DGKB: variants seen among roughly 807,000 people sequenced by gnomAD.
The protein encoded by DGKB is 90 kDa diacylglycerol kinase.
A neutral mutation model predicts 114.3 loss-of-function variants in DGKB; 67 were observed. The observed-to-expected ratio is 0.59, with a 90% CI of 0.48 to 0.72. DGKB has a LOEUF of 0.72. Ranked by LOEUF, DGKB falls within the 30% of genes least tolerant of loss-of-function variation. The probability of loss-of-function intolerance (pLI) is 0.00; values close to 1 mark genes in which losing one functional copy is unlikely to be tolerated. For synonymous variants in DGKB, 398 were observed against 323.1 expected, an observed-to-expected ratio of 1.23 and a Z score of -2.49; for missense variants, 907 against 975.2, an observed-to-expected ratio of 0.93 and a Z score of 0.93.
intron 21 of DGKB, among the ~76,000 whole-genome samples, chr7:14,476,151 A>C (rs951418188): frequency 2.6e-5 from 4 of 151,858 alleles, no homozygotes; most frequent in Admixed American, 2.6e-4. Context: ...AATATAACTT[A>C]AATAATATAT....
chr7:14,169,424 C>T (rs1050533373), intron 25 of DGKB, among the ~76,000 whole-genome samples: 1 of 150,752 alleles, frequency 6.6e-6, no homozygotes, highest in African/African-American at 2.4e-5. Context: ...CTGGAAGAAG[C>T]CACAGATTTG....
chr7:14,235,493 A>G (rs780168536), intron 23 of DGKB, among the ~76,000 whole-genome samples: 13 of 152,082 alleles, frequency 8.5e-5, no homozygotes, highest in Non-Finnish European at 1.6e-4. Flanking sequence ...GTGGATATCA[A>G]TTTTATCAGA....
chr7:14,280,346 A>T (rs1799749964), intron 23 of DGKB, among the ~76,000 whole-genome samples: 1 of 152,104 alleles, frequency 6.6e-6, no homozygotes, highest in South Asian at 2.1e-4. Flanking sequence ...GCCTCCAAGA[A>T]ATATGGGACT....
intron 23 of DGKB, among the ~76,000 whole-genome samples, chr7:14,254,530 C>G (rs773976696): frequency 6.6e-6 from 1 of 151,998 alleles, no homozygotes. Flanking sequence ...ACCCAGCAAC[C>G]CTGAATCTTA....
At chr7:14,712,629 C>A (rs1827557141) in intron 6 of DGKB, among the ~76,000 whole-genome samples, 1 of 151,806 alleles carries the variant, frequency 6.6e-6, no homozygotes, top group Non-Finnish European at 1.5e-5. Flanking sequence ...CAAGACTGTG[C>A]CACTGCACTC....
intron 23 of DGKB, among the ~76,000 whole-genome samples, chr7:14,273,115 C>T (rs914596725): frequency 1.3e-5 from 2 of 151,994 alleles, no homozygotes; most frequent in East Asian, 1.9e-4. Flanking sequence ...GAGGTGGAGG[C>T]AGGTGGATGG....
At chr7:14,877,961 TAAAG>T (rs1562792701) in intron 1 of DGKB, among the ~76,000 whole-genome samples, 1 of 151,932 alleles carries the variant, frequency 6.6e-6, no homozygotes, top group South Asian at 2.1e-4. Flanking sequence ...TTTGTTCAAA[TAAAG>T]AATCTCTATT....
At chr7:14,973,527 G>GTTTTTTTTTTTTTTTTTTTTTTT (rs11300261) in intron 1 of DGKB, among the ~76,000 whole-genome samples, 1 of 137,302 alleles carries the variant, frequency 7.3e-6, no homozygotes, top group Non-Finnish European at 1.6e-5. Flanking sequence ...TTGTTTTTTT[G>GTTTTTTTTTTTTTTTTTTTTTTT]TTTTTTTTTT....
chr7:14,830,272 G>T (rs1347290221), intron 2 of DGKB, among the ~76,000 whole-genome samples: 1 of 151,950 alleles, frequency 6.6e-6, no homozygotes, highest in Non-Finnish European at 1.5e-5. Context: ...TATTCTCTCT[G>T]TTCCATGGAT....
intron 1 of DGKB, among the ~76,000 whole-genome samples, chr7:14,881,132 A>C (rs947547027): frequency 9.9e-5 from 15 of 152,198 alleles, no homozygotes; most frequent in Non-Finnish European, 8.8e-5. Context: ...TTGCCAGACT[A>C]GATGCTACCA....
chr7:14,187,563 G>C (rs1386475836), intron 23 of DGKB, among the ~76,000 whole-genome samples: 1 of 152,274 alleles, frequency 6.6e-6, no homozygotes, highest in South Asian at 2.1e-4. Context: ...CATCACAAAC[G>C]CCTGCAGCCT....
intron 19 of DGKB, among the ~76,000 whole-genome samples, chr7:14,574,788 C>T (rs531537142): frequency 1.3e-5 from 2 of 152,276 alleles, no homozygotes; most frequent in African/African-American, 4.8e-5. Context: ...TTAGACTTTT[C>T]CCTTTCCATC....
intron 20 of DGKB, among the ~76,000 whole-genome samples, chr7:14,546,753 A>C (rs1472119403): frequency 6.6e-6 from 1 of 152,216 alleles, no homozygotes; most frequent in South Asian, 2.1e-4. Flanking sequence ...AGATGCAACA[A>C]GTGATATGGC....
intron 13 of DGKB, among the ~76,000 whole-genome samples, chr7:14,671,577 A>C (rs1323913742): frequency 6.6e-6 from 1 of 152,168 alleles, no homozygotes; most frequent in East Asian, 1.9e-4. Flanking sequence ...ATAGCATAAT[A>C]AAAAGAATAC....
chr7:14,184,748 C>G (rs1359325446), intron 23 of DGKB, among the ~76,000 whole-genome samples: 1 of 152,202 alleles, frequency 6.6e-6, no homozygotes, highest in Non-Finnish European at 1.5e-5. Context: ...TAGGGCCTCG[C>G]CCACTGCCAG....
At chr7:14,252,527 A>G (rs764705990) in intron 23 of DGKB, among the ~76,000 whole-genome samples, 2 of 152,134 alleles carry the variant, frequency 1.3e-5, no homozygotes, top group Non-Finnish European at 2.9e-5. Context: ...GGCAGGCTGG[A>G]TGTTAGAATA....
At chr7:14,280,022 C>T (rs1266303277) in intron 23 of DGKB, among the ~76,000 whole-genome samples, 1 of 148,506 alleles carries the variant, frequency 6.7e-6, no homozygotes. Context: ...ATGACTTTGA[C>T]AAGCTGAGAG....
chr7:14,673,163 C>A, intron 12 of DGKB, 136 bp from the exon 13 acceptor site: 1 of 567,258 alleles, frequency 1.8e-6, no homozygotes, highest in Non-Finnish European at 3.1e-6. Flanking sequence ...TAAACAGAGT[C>A]ATAAAGGAAT....
At chr7:14,396,282 C>T (rs1822203783) in intron 21 of DGKB, among the ~76,000 whole-genome samples, 2 of 151,980 alleles carry the variant, frequency 1.3e-5, no homozygotes, top group Non-Finnish European at 1.5e-5. Context: ...AATAAAGTAG[C>T]ATATCTTGTA....
Sources: allele counts gnomAD v4.1 joint callset (sites outside exome capture counted in the v4.1 genomes callset), GRCh38; gene constraint gnomAD v4.1.1; transcripts MANE v1.5; gene names NCBI Gene and HGNC (gene_info 2026-07-23, HGNC 2026-07-21).